CACNA1A: variants seen among roughly 807,000 people sequenced by gnomAD.
CACNA1A encodes voltage-dependent P/Q-type calcium channel subunit alpha-1A.
CACNA1A carries 57 observed loss-of-function variants against 262.4 expected under a neutral mutation model. The observed-to-expected ratio is 0.22, with a 90% CI of 0.18 to 0.27. The LOEUF (loss-of-function observed/expected upper bound fraction) is 0.27, where lower values mean the gene tolerates loss of function less well. CACNA1A is among the 10% of genes least tolerant of loss of function. CACNA1A has a pLI of 1.00. For synonymous variants in CACNA1A, 1,431 were observed against 1,419.3 expected (o/e 1.01, Z -0.18); for missense variants, 2,526 against 3,562.8 (o/e 0.71, Z 7.41).
Position 13,236,730 on chromosome 19 carries a change from C to T in CACNA1A, c.4951-1000G>A, listed in dbSNP as rs2055890594. The T allele has an allele frequency of 6.6e-6, 1 of 152,412 alleles. No individual in the cohort carries two copies. The highest frequency in any genetic ancestry group is 6.5e-5 in the Admixed American group (1 of 15,272). 9.4% of individuals were successfully genotyped at this position (152,412 alleles called of 1,614,324 possible). A position where few individuals can be genotyped will look rare whatever the true frequency, so the allele number is the denominator to read the frequency against. On this transcript the variant is annotated intron_variant, in intron 31 of 46. Transcript: ENST00000360228. The surrounding 1 kb of genome is among the most constrained non-coding windows in gnomAD (Gnocchi z 4.6). ...CGGGAGGTGGGGCCATCCCTGCCCC[C>T]AGGACCTCCCTGGGTGGCCACTGCC...
At chr19:13,429,167 TAC>T (rs56218610) in intron 3 of CACNA1A, among the ~76,000 whole-genome samples, 69,510 of 140,842 alleles carry the variant, frequency 0.49, 17,341 homozygotes, top group East Asian at 0.59. Flanking sequence ...TCACTGTGCG[TAC>T]ACACACACAC....
rs188729687 is a variant in CACNA1A, at chr19:13,419,062, T to G, written c.539+33814A>C. On this transcript the variant is annotated intron_variant, in intron 3 of 46. Coordinates refer to ENST00000360228, the MANE Select transcript of CACNA1A (RefSeq NM_001127222.2). ...GTGCCTGCCACCACACCTGGCTAAT[T>G]TTTGCATTTTTCAGTAAAGAAGGAG... Among the ~76,000 whole-genome samples the G allele has an allele frequency of 2.4e-3, 361 of 152,222 alleles. 4 individuals carry two copies. Among genetic ancestry groups the G allele is most frequent in the African/African-American group, 8.5e-3 (352 of 41,528 alleles).
intron 7 of CACNA1A, 75 bp downstream of exon 7, chr19:13,335,731 T>A (rs2058553645): frequency 1.0e-6 from 1 of 962,298 alleles, no homozygotes; most frequent in East Asian, 2.6e-5. Flanking sequence ...AAAACAAAGC[T>A]TCAATGGCCT....
chr19:13,335,302 T>G (rs529473220), intron 7 of CACNA1A, among the ~76,000 whole-genome samples: 62 of 152,272 alleles, frequency 4.1e-4, no homozygotes, highest in Non-Finnish European at 8.1e-4. Flanking sequence ...GCAGCCATCT[T>G]AAGACCATGA....
intron 34 of CACNA1A, among the ~76,000 whole-genome samples, chr19:13,232,600 G>A (rs949326987): frequency 2.0e-4 from 30 of 151,838 alleles, no homozygotes; most frequent in Non-Finnish European, 3.5e-4. Context: ...GTGTGGTGGC[G>A]CTCACCTGTA....
chr19:13,317,294 T>A lies in CACNA1A; in HGVS notation c.1373A>T (p.Lys458Ile), dbSNP rs1239292406. Residue 458 changes from lysine to isoleucine, a missense_variant, in exon 11 of 47, where the codon AAA (lysine) becomes ATA (isoleucine). Coordinates refer to ENST00000360228, the MANE Select transcript of CACNA1A (RefSeq NM_001127222.2). ...VGSPFARASI[K>I]SAKLENSTFF... ...GGTCGAGTTCTCCAGCTTGGCACTTTTAATGCTGGCTCGGGCGAAGGGAGA... is the reference window on the plus strand; with the variant it reads ...GGTCGAGTTCTCCAGCTTGGCACTTATAATGCTGGCTCGGGCGAAGGGAGA... 2 of 1,608,238 alleles carry A rather than the reference T, an allele frequency of 1.2e-6. No individual in the cohort carries two copies. The highest frequency in any genetic ancestry group is 1.7e-6 in the Non-Finnish European group (2 of 1,175,038).
At chr19:13,317,437 C>G in intron 10 of CACNA1A, 116 bp from the exon 11 acceptor site, 1 of 826,474 alleles carries the variant, frequency 1.2e-6, no homozygotes, top group Non-Finnish European at 1.9e-6. Flanking sequence ...CTCCAGCAAG[C>G]CTCTGGCCTG....
intron 4 of CACNA1A, 158 bp from the exon 5 acceptor site, chr19:13,365,627 C>A: frequency 1.7e-6 from 1 of 583,052 alleles, no homozygotes; most frequent in Non-Finnish European, 3.0e-6. Flanking sequence ...GAAGGAAGCA[C>A]CACACGGAGG....
chr19:13,458,173 T>C (rs999448750), intron 1 of CACNA1A, among the ~76,000 whole-genome samples: 2 of 152,170 alleles, frequency 1.3e-5, no homozygotes, highest in African/African-American at 4.8e-5. Flanking sequence ...TTTTATTTTT[T>C]TAAAGAAACA....
intron 12 of CACNA1A, among the ~76,000 whole-genome samples, chr19:13,310,462 A>G (rs1210446288): frequency 3.2e-5 from 1 of 30,940 alleles, no homozygotes; most frequent in Non-Finnish European, 4.5e-5. Flanking sequence ...CTCAAAAAAA[A>G]AAAAAAAAAA....
intron 17 of CACNA1A, among the ~76,000 whole-genome samples, chr19:13,301,120 ATTT>A (rs34756816): frequency 1.4e-5 from 2 of 140,992 alleles, no homozygotes. Context: ...TATACATTTA[ATTT>A]TTTTTTTTTT....
intron 38 of CACNA1A, among the ~76,000 whole-genome samples, chr19:13,217,915 G>A (rs1600101196): frequency 7.0e-6 from 1 of 142,790 alleles, no homozygotes; most frequent in East Asian, 2.1e-4. Context: ...GGGCCACACT[G>A]TATAGTTCAT....
chr19:13,296,257 T>A (rs757356657), intron 19 of CACNA1A, among the ~76,000 whole-genome samples: 3 of 152,194 alleles, frequency 2.0e-5, no homozygotes, highest in African/African-American at 7.2e-5. Context: ...ACATACACAT[T>A]AGATTTTGAG....
At chr19:13,281,832 G>A (rs548506384) in intron 22 of CACNA1A, among the ~76,000 whole-genome samples, 18 of 152,320 alleles carry the variant, frequency 1.2e-4, no homozygotes, top group Non-Finnish European at 2.1e-4. Flanking sequence ...CCGGGGAGCT[G>A]AACGCTCTTT....
intron 31 of CACNA1A, among the ~76,000 whole-genome samples, chr19:13,237,386 C>A (rs990386374): frequency 6.6e-6 from 1 of 152,178 alleles, no homozygotes; most frequent in Non-Finnish European, 1.5e-5. Context: ...CTTCACCCCC[C>A]AAATGGCACA....
chr19:13,218,357 C>T (rs574823621), intron 38 of CACNA1A, among the ~76,000 whole-genome samples: 7 of 152,280 alleles, frequency 4.6e-5, no homozygotes, highest in African/African-American at 1.2e-4. Context: ...TGAGTAACTA[C>T]GTCAGCCCTG....
chr19:13,328,394 A>C (rs994218556), intron 10 of CACNA1A, among the ~76,000 whole-genome samples: 2 of 152,236 alleles, frequency 1.3e-5, no homozygotes, highest in Non-Finnish European at 2.9e-5. Flanking sequence ...CTGGAAATTA[A>C]AAATGCAAAT....
In CACNA1A at chr19:13,335,808, T is replaced by G. The variant is rs920116858; in HGVS notation, c.1080A>C (p.Ser360=). The change falls in exon 7 of 47, where the codon TCA becomes TCC. Residue 360 remains serine (S), a splice_region_variant and synonymous_variant. Coordinates refer to ENST00000360228, the MANE Select transcript of CACNA1A (RefSeq NM_001127222.2). ...FMLNLVLGVL[S]GEFAKERERV... is the part of the protein sequence containing the mutation. Reference sequence around the variant, plus strand: ...GGTGGGGAGTAGCAGAAACTTACCCTGACAGCACACCCAGCACAAGGTTCA... The same window carrying G: ...GGTGGGGAGTAGCAGAAACTTACCCGGACAGCACACCCAGCACAAGGTTCA... The G allele has an allele frequency of 1.8e-5, 29 of 1,604,044 alleles. No individual in the cohort carries two copies. Among genetic ancestry groups the G allele is most frequent in the Non-Finnish European group, 2.1e-5 (25 of 1,173,696 alleles).
intron 4 of CACNA1A, among the ~76,000 whole-genome samples, chr19:13,370,022 G>C (rs1169647866): frequency 6.6e-6 from 1 of 152,154 alleles, no homozygotes; most frequent in Non-Finnish European, 1.5e-5. Context: ...TACTTCACAG[G>C]CTTGTTGGGA....
Sources: gnomAD v4.1 joint callset for allele counts (sites outside exome capture counted in the v4.1 genomes callset) on GRCh38, gnomAD v4.1.1 for gene constraint, Gnocchi (gnomAD v3.1) non-coding constraint, MANE v1.5 for transcripts, NCBI Gene and HGNC (gene_info 2026-07-23, HGNC 2026-07-21) for gene names.